USP36: variants seen among roughly 807,000 people sequenced by gnomAD.
USP36 encodes the protein ubiquitin specific peptidase 36, also known as ubiquitin carboxyl-terminal hydrolase 36.
In USP36, 59 loss-of-function variants were observed where a neutral mutation model predicts 111.5. The ratio of observed to expected loss-of-function variants is 0.53; its 90% CI spans 0.43 to 0.66. USP36 has a LOEUF of 0.66. USP36 is among the 30% of genes least tolerant of loss of function. The pLI, the probability that USP36 is intolerant of heterozygous loss-of-function variation, is 0.00. For missense variants in USP36, 1,488 were observed against 1,468.0 expected (o/e 1.01, Z -0.22); for synonymous variants, 628 against 581.0 (o/e 1.08, Z -1.16).
Position 78,803,379 on chromosome 17 carries a change from C to T in USP36, c.2810+6G>A. 1 of 1,611,348 alleles carries T rather than the reference C, an allele frequency of 6.2e-7. No individual in the cohort carries two copies. The highest frequency in any genetic ancestry group is 8.5e-7 in the Non-Finnish European group (1 of 1,178,236). On this transcript the variant is annotated splice_donor_region_variant and intron_variant, in intron 16 of 20. Transcript: ENST00000449938. This position sits in a 1 kb window ranked among gnomAD's most constrained non-coding sequence, Gnocchi z 4.6. ...TAGACAGATGCCACTTTGCTCCTGC[C>T]CTTACCTGTGCCGAAGTGGGTCCTG...
At chr17:78,802,618 G>T in intron 16 of USP36, 83 bp from the exon 17 acceptor site, 1 of 1,368,542 alleles carries the variant, frequency 7.3e-7, no homozygotes, top group Non-Finnish European at 9.9e-7. Flanking sequence ...CTGCAACATG[G>T]AGAAGGTGCC....
intron 8 of USP36, among the ~76,000 whole-genome samples, chr17:78,820,416 T>G (rs569525149): frequency 3.9e-5 from 6 of 152,174 alleles, no homozygotes; most frequent in African/African-American, 1.2e-4. Context: ...TGAGCTATGA[T>G]TGCGCCACTG....
chr17:78,795,536 C>A (rs1003479899), downstream of USP36: 4 of 152,164 alleles, frequency 2.6e-5, no homozygotes, highest in Non-Finnish European at 5.9e-5. The surrounding 1 kb of genome is among the most constrained non-coding windows in gnomAD (Gnocchi z 4.5). Context: ...CCTGCAGGGA[C>A]CTACCTGCCC....
chr17:78,817,095 G>C (rs2094207003), intron 10 of USP36, among the ~76,000 whole-genome samples: 1 of 152,164 alleles, frequency 6.6e-6, no homozygotes. Context: ...TCTATGTTTA[G>C]ATACACAAAT....
chr17:78,788,071 C>T (rs1267748381), intron 3 of USP36, among the ~76,000 whole-genome samples: 1 of 152,202 alleles, frequency 6.6e-6, no homozygotes, highest in Admixed American at 6.5e-5. Flanking sequence ...CTTAAGCCAC[C>T]CAGTTTGTAG....
intron 10 of USP36, among the ~76,000 whole-genome samples, chr17:78,815,149 T>C (rs1302458038): frequency 9.9e-5 from 15 of 152,088 alleles, no homozygotes; most frequent in Non-Finnish European, 4.4e-5. Flanking sequence ...GTGGCCAAGA[T>C]GGCGAAACCT....
At chr17:78,808,002 C>A (rs896553141) in intron 13 of USP36, among the ~76,000 whole-genome samples, 1 of 152,142 alleles carries the variant, frequency 6.6e-6, no homozygotes, top group Non-Finnish European at 1.5e-5. Flanking sequence ...TAGCACCTGG[C>A]CTGAATACAT....
chr17:78,840,120 C>T (rs905144178), intron 1 of USP36, among the ~76,000 whole-genome samples: 1 of 152,098 alleles, frequency 6.6e-6, no homozygotes, highest in Non-Finnish European at 1.5e-5. Context: ...CACAGCGACC[C>T]GAGCACCTCT....
chr17:78,819,397 C>A (rs1465161055), intron 9 of USP36, among the ~76,000 whole-genome samples: 1 of 152,192 alleles, frequency 6.6e-6, no homozygotes, highest in African/African-American at 2.4e-5. Context: ...CAAGGTGAAA[C>A]CCTGTCACTA....
At chr17:78,813,411 C>G (rs959585386) in intron 12 of USP36, among the ~76,000 whole-genome samples, 1 of 152,200 alleles carries the variant, frequency 6.6e-6, no homozygotes, top group African/African-American at 2.4e-5. Context: ...GCAGCACCCC[C>G]ACAAACACGT....
At chr17:78,802,655 G>C (rs1197618370) in intron 16 of USP36, 120 bp from the exon 17 acceptor site, 1 of 955,796 alleles carries the variant, frequency 1.0e-6, no homozygotes, top group African/African-American at 1.6e-5. Flanking sequence ...AGTGCACGCA[G>C]GTCCCTGCAA....
chr17:78,829,488 C>T (rs542819988), intron 4 of USP36, among the ~76,000 whole-genome samples: 6 of 152,306 alleles, frequency 3.9e-5, no homozygotes, highest in South Asian at 2.1e-4. Context: ...TTCTAGTAAA[C>T]ACCTCGCTAG....
rs866088865 is a variant in USP36, at chr17:78,836,320, C to A, written c.44G>T (p.Arg15Leu). The change falls in exon 3 of 21, where the codon CGC becomes CTC. Residue 15 changes from arginine (R) to leucine (L), a missense_variant. Physicochemically the swap from Arg to Leu is moderately radical, Grantham distance 102 (BLOSUM62 -2). Coordinates refer to ENST00000449938, the MANE Select transcript of USP36 (RefSeq NM_001385174.1). The part of the protein sequence containing the change: ...DKLKEALKPG[R>L]KDSADDGELG... Reference sequence around the variant, plus strand: ...TTCTCCATCATCAGCCGAGTCCTTGCGGCCGGGTTTCAGGGCCTCCTTCAA... The same window carrying A: ...TTCTCCATCATCAGCCGAGTCCTTGAGGCCGGGTTTCAGGGCCTCCTTCAA... 10 of 1,614,158 alleles carry A rather than the reference C, an allele frequency of 6.2e-6. 1 individual carries two copies. Among genetic ancestry groups the A allele is most frequent in the Non-Finnish European group, 7.6e-6 (9 of 1,180,026 alleles).
In USP36 at chr17:78,822,522, C is replaced by A. The variant is rs754573806; in HGVS notation, c.690-518G>T. Among the ~76,000 whole-genome samples the A allele has an allele frequency of 9.4e-4, 143 of 152,206 alleles. 1 individual carries two copies. The highest frequency in any genetic ancestry group is 6.3e-4 in the Non-Finnish European group (43 of 67,998). The stretch of plus-strand genomic sequence containing the variant: ...AGGACCAAATCTCCCCGGCTCTGCA[C>A]CCGTCTCAGAGAGGACAGCGGAGTC... On this transcript the variant is annotated intron_variant, in intron 6 of 20. Coordinates refer to ENST00000449938, the MANE Select transcript of USP36 (RefSeq NM_001385174.1).
At chr17:78,819,815 G>T in intron 9 of USP36, 115 bp downstream of exon 9, 1 of 1,056,130 alleles carries the variant, frequency 9.5e-7, no homozygotes, top group Non-Finnish European at 1.4e-6. Context: ...GGTTCCTCAA[G>T]AAATGCGAGC....
At chr17:78,816,397 G>A (rs978715297) in intron 10 of USP36, among the ~76,000 whole-genome samples, 2 of 152,130 alleles carry the variant, frequency 1.3e-5, no homozygotes, top group East Asian at 3.9e-4. Context: ...AGGCCGAGGT[G>A]GGTGGATCAC....
At chr17:78,806,638 G>A (rs2093909685) in intron 14 of USP36, among the ~76,000 whole-genome samples, 1 of 152,174 alleles carries the variant, frequency 6.6e-6, no homozygotes, top group South Asian at 2.1e-4. Flanking sequence ...AGGGACACGT[G>A]CTGGTGGGGC....
At chr17:78,837,208 C>G (rs191860114) in intron 2 of USP36, among the ~76,000 whole-genome samples, 1 of 152,026 alleles carries the variant, frequency 6.6e-6, no homozygotes, top group African/African-American at 2.4e-5. Context: ...TTACACAGTG[C>G]TTGGAGTACA....
At chr17:78,802,283 T>C in intron 17 of USP36, 41 bp downstream of exon 17, 1 of 1,206,968 alleles carries the variant, frequency 8.3e-7, no homozygotes, top group South Asian at 1.3e-5. Flanking sequence ...CCTCGCCCGG[T>C]GCACACCCAT....
Sources: gnomAD v4.1 joint callset for allele counts (sites outside exome capture counted in the v4.1 genomes callset) on GRCh38, gnomAD v4.1.1 for gene constraint, Gnocchi (gnomAD v3.1) non-coding constraint, MANE v1.5 for transcripts, NCBI Gene and HGNC (gene_info 2026-07-23, HGNC 2026-07-21) for gene names.